Variants in HMBOX1 observed in about 807,000 individuals in gnomAD.
HMBOX1 encodes homeobox containing 1.
A neutral mutation model predicts 54.5 loss-of-function variants in HMBOX1; 14 were observed. The observed-to-expected ratio is 0.26, with a 90% CI of 0.17 to 0.40. The LOEUF is 0.40. HMBOX1 is among the 10% of genes least tolerant of loss of function. HMBOX1 has a pLI of 1.00. For synonymous variants in HMBOX1, 160 were observed against 181.0 expected (o/e 0.88, Z 0.93); for missense variants, 332 against 514.4 (o/e 0.65, Z 3.43).
In HMBOX1 at chr8:28,964,561, T is replaced by G. The variant is rs181092300; in HGVS notation, c.23+671T>G. The stretch of plus-strand genomic sequence containing the variant: ...ATCTATTAGCTCATTAAGTGCATCT[T>G]TAGAGTCGAATGCAGAGTGCCTTTA... On this transcript the variant is annotated intron_variant, in intron 2 of 9. Transcript: ENST00000287701. 5.9e-5 allele frequency among the ~76,000 whole-genome samples: 9 copies of G among 152,322 alleles called. No individual in the cohort carries two copies. The East Asian group carries it at 1.7e-3, about 29-fold the overall frequency.
chr8:28,965,886 A>T (rs1826350155), intron 2 of HMBOX1, among the ~76,000 whole-genome samples: 1 of 152,178 alleles, frequency 6.6e-6, no homozygotes, highest in Non-Finnish European at 1.5e-5. Flanking sequence ...TCTCTCTCTG[A>T]TAAAAATATT....
intron 2 of HMBOX1, among the ~76,000 whole-genome samples, chr8:28,967,513 T>A (rs1826637212): frequency 6.6e-6 from 1 of 152,236 alleles, no homozygotes; most frequent in African/African-American, 2.4e-5. Flanking sequence ...ATACAAGGAA[T>A]GGTTTGAAGA....
At chr8:28,989,857 GT>G (rs1830721406) in intron 4 of HMBOX1, among the ~76,000 whole-genome samples, 1 of 152,014 alleles carries the variant, frequency 6.6e-6, no homozygotes, top group Admixed American at 6.5e-5. Context: ...CTCTCCACTT[GT>G]TTAGGTCTTT....
At chr8:28,972,589 A>G (rs372081938) in intron 3 of HMBOX1, among the ~76,000 whole-genome samples, 2 of 152,234 alleles carry the variant, frequency 1.3e-5, no homozygotes, top group Non-Finnish European at 2.9e-5. Flanking sequence ...GAGGATATCA[A>G]CAATTTAAAA....
intron 1 of HMBOX1, among the ~76,000 whole-genome samples, chr8:28,941,118 T>G (rs1821330912): frequency 6.6e-6 from 1 of 151,248 alleles, no homozygotes; most frequent in African/African-American, 2.4e-5. Context: ...AGTCCTCATA[T>G]TTTTTTCTTT....
intron 6 of HMBOX1, among the ~76,000 whole-genome samples, chr8:29,039,993 T>G (rs1039379652): frequency 6.6e-6 from 1 of 152,132 alleles, no homozygotes; most frequent in African/African-American, 2.4e-5. Context: ...ATGTCTTAAG[T>G]TTTTATGCCT....
intron 6 of HMBOX1, among the ~76,000 whole-genome samples, chr8:29,023,841 G>A (rs987958638): frequency 6.6e-6 from 1 of 152,090 alleles, no homozygotes; most frequent in East Asian, 1.9e-4. Flanking sequence ...AGGATCACCC[G>A]AGGAGCTTTT....
intron 4 of HMBOX1, among the ~76,000 whole-genome samples, chr8:28,996,054 C>T (rs1006977750): frequency 3.3e-5 from 5 of 151,826 alleles, no homozygotes; most frequent in African/African-American, 9.7e-5. Flanking sequence ...TGCAGTGAGC[C>T]GAGATCACGC....
chr8:28,978,402 G>T (rs1012349366), intron 3 of HMBOX1, among the ~76,000 whole-genome samples: 2 of 152,180 alleles, frequency 1.3e-5, no homozygotes, highest in African/African-American at 4.8e-5. Context: ...CTTTGTCTCA[G>T]ATCAGGGGTC....
At chr8:29,006,625 TTTTTTTATGGC>T (rs1460403793) in intron 4 of HMBOX1, among the ~76,000 whole-genome samples, 1 of 152,138 alleles carries the variant, frequency 6.6e-6, no homozygotes, top group Non-Finnish European at 1.5e-5. Context: ...GTTTTCTGGG[TTTTTTTATGGC>T]TTTTTAAAAA....
intron 1 of HMBOX1, among the ~76,000 whole-genome samples, chr8:28,921,389 C>T (rs1817535277): frequency 6.6e-6 from 1 of 152,152 alleles, no homozygotes; most frequent in Non-Finnish European, 1.5e-5. Context: ...CACTTGATAT[C>T]AGGATGATGG....
chr8:28,963,983 C>A, intron 2 of HMBOX1, 93 bp downstream of exon 2: 3 of 990,008 alleles, frequency 3.0e-6, no homozygotes, highest in South Asian at 1.5e-5. Context: ...TGACAACAGA[C>A]GTTTGTAGAG....
chr8:29,048,847 G>A (rs986447946), intron 8 of HMBOX1, 107 bp from the exon 9 acceptor site: 1 of 749,692 alleles, frequency 1.3e-6, no homozygotes, highest in Non-Finnish European at 2.2e-6. Context: ...ACAGGTTCTT[G>A]TTTAATTACA....
intron 6 of HMBOX1, among the ~76,000 whole-genome samples, chr8:29,038,677 A>G (rs1310390957): frequency 6.6e-6 from 1 of 151,904 alleles, no homozygotes; most frequent in African/African-American, 2.4e-5. Context: ...CTTGAATCTC[A>G]CCTTTCCTTT....
intron 1 of HMBOX1, among the ~76,000 whole-genome samples, chr8:28,956,386 T>G (rs1824449286): frequency 6.6e-6 from 1 of 152,104 alleles, no homozygotes; most frequent in Admixed American, 6.5e-5. Flanking sequence ...CTGGTCTTTG[T>G]TAAGCATATC....
At chr8:29,026,856 A>G (rs536369632) in intron 6 of HMBOX1, among the ~76,000 whole-genome samples, 2 of 152,342 alleles carry the variant, frequency 1.3e-5, no homozygotes, top group East Asian at 3.9e-4. Flanking sequence ...CTAGATTAAT[A>G]TATGTTACAA....
At chr8:28,995,678 G>C (rs891523490) in intron 4 of HMBOX1, among the ~76,000 whole-genome samples, 4 of 152,192 alleles carry the variant, frequency 2.6e-5, no homozygotes, top group Non-Finnish European at 5.9e-5. Flanking sequence ...ATGTGAAGTG[G>C]TATGTGTCTC....
In HMBOX1 at chr8:29,005,990, AT is replaced by A. The variant is rs775589443; in HGVS notation, c.587-3062del. On this transcript the variant is annotated intron_variant, in intron 4 of 9. Coordinates refer to ENST00000287701, the MANE Select transcript of HMBOX1 (RefSeq NM_001135726.3). ...GTAGCTATCACAGTTGATGCATTCT[AT>A]TTTTTTTTTTTTTTTTTTTGAGACA... 7.6e-3 allele frequency among the ~76,000 whole-genome samples: 914 copies of A among 120,850 alleles called. 4 individuals carry two copies. Among genetic ancestry groups the A allele is most frequent in the African/African-American group, 0.015 (479 of 31,696 alleles). The allele number at this position is 120,850 out of a possible 152,430, so 79.3% of individuals were successfully genotyped here. A position where few individuals can be genotyped will look rare whatever the true frequency, so the allele number is the denominator to read the frequency against.
intron 1 of HMBOX1, among the ~76,000 whole-genome samples, chr8:28,960,375 G>A (rs1310867236): frequency 6.6e-6 from 1 of 150,934 alleles, no homozygotes. Context: ...AGTTATTTTT[G>A]TACATTTTTC....
Sources: gnomAD v4.1 joint callset for allele counts (sites outside exome capture counted in the v4.1 genomes callset) on GRCh38, gnomAD v4.1.1 for gene constraint, MANE v1.5 for transcripts, NCBI Gene and HGNC (gene_info 2026-07-23, HGNC 2026-07-21) for gene names.